The following STK32B variants were observed in gnomAD, a reference collection of about 807,000 sequenced individuals.
STK32B encodes the protein serine/threonine-protein kinase 32B.
Under a neutral mutation model 52.6 loss-of-function variants are expected in STK32B, and 43 were observed. The ratio of observed to expected loss-of-function variants is 0.82; its 90% CI spans 0.64 to 1.05. The LOEUF is 1.05. STK32B is among the 50% of genes least tolerant of loss of function. STK32B has a pLI of 0.00. For synonymous variants in STK32B, 238 were observed against 204.3 expected (o/e 1.17, Z -1.41); for missense variants, 621 against 534.6 (o/e 1.16, Z -1.59).
chr4:5,141,136 G>T (rs1192847428), intron 2 of STK32B, among the ~76,000 whole-genome samples: 1 of 152,180 alleles, frequency 6.6e-6, no homozygotes, highest in Non-Finnish European at 1.5e-5. Context: ...CAGTTCCACA[G>T]CACACTAGCT....
At chr4:5,138,544 TAATG>T (rs372214851) in intron 1 of STK32B, among the ~76,000 whole-genome samples, 2 of 152,208 alleles carry the variant, frequency 1.3e-5, no homozygotes, top group African/African-American at 2.4e-5. Flanking sequence ...TTCCTCCTGT[TAATG>T]AATATTTATT....
rs1401425789 is a variant in STK32B at position 5,386,690 on chromosome 4, A to G, written c.435-11517A>G. 6.6e-6 allele frequency among the ~76,000 whole-genome samples: 1 copy of G among 152,202 alleles called. No homozygotes were observed. Among genetic ancestry groups the G allele is most frequent in the Non-Finnish European group, 1.5e-5 (1 of 68,030 alleles). On this transcript the variant is annotated intron_variant, in intron 4 of 11. Transcript: ENST00000282908. This position sits in a 1 kb window ranked among gnomAD's most constrained non-coding sequence, Gnocchi z 4.5. ...AATTTCAAATCCCAGCTCTGGCACT[A>G]ATTTCCCAGACAACTCGAAGGAAGT...
intron 3 of STK32B, among the ~76,000 whole-genome samples, chr4:5,180,593 T>C (rs1720277655): frequency 6.6e-6 from 1 of 152,158 alleles, no homozygotes; most frequent in Admixed American, 6.5e-5. Flanking sequence ...TGCTTCTCTT[T>C]GGTGGCCTCT....
At chr4:5,363,591 CT>C (rs1328076821) in intron 4 of STK32B, among the ~76,000 whole-genome samples, 2 of 152,142 alleles carry the variant, frequency 1.3e-5, no homozygotes, top group Non-Finnish European at 2.9e-5. Flanking sequence ...AAGGCTGAGG[CT>C]TTTAGGCCAC....
At chr4:5,495,232 T>A (rs989648259) in intron 11 of STK32B, among the ~76,000 whole-genome samples, 1 of 152,200 alleles carries the variant, frequency 6.6e-6, no homozygotes. Context: ...GTAGATTTGG[T>A]CTTTTCACAT....
chr4:5,059,052 CTTTTTTTTT>C lies in STK32B; in HGVS notation c.52+7158_52+7166del, dbSNP rs3072775. ...AGGCGTGAGCCACCACGCCCAGCTG[CTTTTTTTTT>C]TTTTTTTTTTTTTTTTTTTTGTAGA... On this transcript the variant is annotated intron_variant, in intron 1 of 11. Coordinates refer to ENST00000282908, the MANE Select transcript of STK32B (RefSeq NM_018401.3). Among the ~76,000 whole-genome samples, 20 of 86,920 alleles carry C rather than the reference CTTTTTTTTT, an allele frequency of 2.3e-4. 3 individuals are homozygous for C. The highest frequency in any genetic ancestry group is 1.8e-3 in the South Asian group (4 of 2,240). The allele number at this position is 86,920 out of a possible 152,430, so 57.0% of individuals were successfully genotyped here.
In STK32B at chr4:5,317,011, T is replaced by TA. The variant is rs1730974680; in HGVS notation, c.261-14208dup. On this transcript the variant is annotated intron_variant, in intron 3 of 11. Coordinates refer to ENST00000282908, the MANE Select transcript of STK32B (RefSeq NM_018401.3). ...TATATATGATATAATATATAATATA[T>TA]ATAATATATAATATATATGATATAA... Among the ~76,000 whole-genome samples the TA allele has an allele frequency of 1.2e-4, 5 of 40,236 alleles. 1 individual carries two copies. The highest frequency in any genetic ancestry group is 1.2e-3 in the African/African-American group (5 of 4,024). 26.4% of individuals were successfully genotyped at this position (40,236 alleles called of 152,430 possible).
chr4:5,153,847 A>C (rs1560181272), intron 2 of STK32B, among the ~76,000 whole-genome samples: 1 of 152,320 alleles, frequency 6.6e-6, no homozygotes, highest in East Asian at 1.9e-4. Flanking sequence ...TGAAGAATAC[A>C]AAGTCAATAT....
chr4:5,227,952 A>G (rs1290369849), intron 3 of STK32B, among the ~76,000 whole-genome samples: 1 of 152,206 alleles, frequency 6.6e-6, no homozygotes, highest in African/African-American at 2.4e-5. Flanking sequence ...CACTGAGTTC[A>G]CAGTATCTGG....
At chr4:5,472,703 T>C (rs1031797850) in intron 11 of STK32B, among the ~76,000 whole-genome samples, 2 of 152,216 alleles carry the variant, frequency 1.3e-5, no homozygotes, top group Non-Finnish European at 2.9e-5. Context: ...TTTAAAATCA[T>C]ATAAAAGCTA....
chr4:5,273,717 T>A (rs1461298595), intron 3 of STK32B, among the ~76,000 whole-genome samples: 1 of 126,934 alleles, frequency 7.9e-6, no homozygotes, highest in African/African-American at 3.2e-5. Context: ...TTGGAAATCA[T>A]CATTCTCAGT....
chr4:5,057,323 C>A (rs1304289821), intron 1 of STK32B, among the ~76,000 whole-genome samples: 3 of 152,182 alleles, frequency 2.0e-5, no homozygotes, highest in Non-Finnish European at 4.4e-5. Flanking sequence ...ACTGGTTTTT[C>A]AGCGTGGACC....
chr4:5,340,801 T>A (rs1733023802), intron 4 of STK32B, among the ~76,000 whole-genome samples: 1 of 152,226 alleles, frequency 6.6e-6, no homozygotes, highest in African/African-American at 2.4e-5. Flanking sequence ...ACATGGGGTA[T>A]ATGCATGTGT....
intron 4 of STK32B, among the ~76,000 whole-genome samples, chr4:5,369,555 C>T (rs1388674326): frequency 6.6e-6 from 1 of 152,098 alleles, no homozygotes; most frequent in Non-Finnish European, 1.5e-5. Flanking sequence ...GACTCTTTAG[C>T]CCCTCTCTTG....
chr4:5,102,748 G>C (rs943070898), intron 1 of STK32B, among the ~76,000 whole-genome samples: 5 of 147,426 alleles, frequency 3.4e-5, no homozygotes, highest in Non-Finnish European at 7.5e-5. Flanking sequence ...TTACCATTTT[G>C]GCCAGGCTGG....
the STK32B span, among the ~76,000 whole-genome samples, chr4:5,026,917 C>T: frequency 1.3e-5 from 2 of 152,144 alleles, no homozygotes; most frequent in South Asian, 4.1e-4. Context: ...TGCACTAGAC[C>T]ACACGAAGAG....
intron 3 of STK32B, among the ~76,000 whole-genome samples, chr4:5,230,859 A>C (rs548968555): frequency 6.6e-6 from 1 of 152,354 alleles, no homozygotes; most frequent in South Asian, 2.1e-4. Context: ...TAAGATGAGA[A>C]AAGTGCTCTG....
chr4:5,067,838 C>T (rs1711522392), intron 1 of STK32B, among the ~76,000 whole-genome samples: 2 of 152,102 alleles, frequency 1.3e-5, no homozygotes, highest in African/African-American at 2.4e-5. Context: ...GAAGGGGAAG[C>T]ACGCACATCT....
intron 4 of STK32B, among the ~76,000 whole-genome samples, chr4:5,366,372 CAG>C (rs1315570691): frequency 2.0e-5 from 3 of 152,228 alleles, no homozygotes; most frequent in South Asian, 2.1e-4. Context: ...AAAATTAAAA[CAG>C]AGTGGAATAT....
Sources: allele counts gnomAD v4.1 joint callset (sites outside exome capture counted in the v4.1 genomes callset), GRCh38; gene constraint gnomAD v4.1.1; non-coding constraint Gnocchi (gnomAD v3.1); transcripts MANE v1.5; gene names NCBI Gene and HGNC (gene_info 2026-07-23, HGNC 2026-07-21).